The following GRM8 variants were observed in gnomAD, a reference collection of about 807,000 sequenced individuals.
GRM8 encodes metabotropic glutamate receptor 8.
GRM8 carries 47 observed loss-of-function variants against 87.2 expected under a neutral mutation model. The ratio of observed to expected loss-of-function variants is 0.54; its 90% CI spans 0.43 to 0.69. The LOEUF is 0.69. Ranked by LOEUF, GRM8 falls within the 30% of genes least tolerant of loss-of-function variation. GRM8 has a pLI of 0.00. For missense variants in GRM8, 1,019 were observed against 1,139.2 expected, an observed-to-expected ratio of 0.89 and a Z score of 1.52; for synonymous variants, 396 against 404.5, an observed-to-expected ratio of 0.98 and a Z score of 0.25.
In GRM8 at chr7:127,252,200, C is replaced by G. The variant is rs893655914; in HGVS notation, c.-312+597G>C. On this transcript the variant is annotated intron_variant, in intron 1 of 10. Transcript: ENST00000339582. The surrounding 1 kb of genome is among the most constrained non-coding windows in gnomAD (Gnocchi z 4.9). ...GGGAGGTCACCCAGGGCAGACGATC[C>G]GAGGCAGAGCGCTTTAAAATCCTGC... 1.6e-4 allele frequency: 25 copies of G among 152,234 alleles called. No individual in the cohort carries two copies. The highest frequency in any genetic ancestry group is 5.8e-4 in the African/African-American group (24 of 41,432). The allele number at this position is 152,234 out of a possible 1,614,324, so 9.4% of individuals were successfully genotyped here. A position where few individuals can be genotyped will look rare whatever the true frequency, so the allele number is the denominator to read the frequency against.
At chr7:126,827,880 C>G (rs1212324302) in intron 6 of GRM8, among the ~76,000 whole-genome samples, 1 of 152,176 alleles carries the variant, frequency 6.6e-6, no homozygotes, top group Non-Finnish European at 1.5e-5. Context: ...TTTTGAGATA[C>G]ATCCCATCAA....
intron 6 of GRM8, among the ~76,000 whole-genome samples, chr7:126,802,787 A>G (rs1304616021): frequency 1.3e-5 from 2 of 152,216 alleles, no homozygotes; most frequent in Non-Finnish European, 2.9e-5. Flanking sequence ...AAACCACAAA[A>G]TTAAAGTTTT....
intron 7 of GRM8, among the ~76,000 whole-genome samples, chr7:126,700,741 TTCAG>T (rs1309576746): frequency 1.3e-5 from 2 of 152,082 alleles, no homozygotes; most frequent in Non-Finnish European, 2.9e-5. Context: ...TTAAGTTACA[TTCAG>T]TCAAACAAGC....
At chr7:127,015,000 GAAA>G (rs1469531768) in intron 3 of GRM8, among the ~76,000 whole-genome samples, 29 of 81,838 alleles carry the variant, frequency 3.5e-4, no homozygotes, top group African/African-American at 1.4e-3. Context: ...AGAAGAAGAA[GAAA>G]GAAGAAGAAG....
chr7:127,044,810 G>A (rs1228555312), intron 3 of GRM8, among the ~76,000 whole-genome samples: 2 of 152,168 alleles, frequency 1.3e-5, no homozygotes, highest in African/African-American at 4.8e-5. Flanking sequence ...AACATGCTAA[G>A]TGCTTTAAGT....
At chr7:127,079,433 A>G (rs1822624035) in intron 3 of GRM8, among the ~76,000 whole-genome samples, 1 of 152,178 alleles carries the variant, frequency 6.6e-6, no homozygotes. Context: ...TGTATTTTTT[A>G]AAGTTAATGA....
At chr7:127,041,543 G>A (rs569727300) in intron 3 of GRM8, among the ~76,000 whole-genome samples, 7 of 152,340 alleles carry the variant, frequency 4.6e-5, no homozygotes, top group Middle Eastern at 6.8e-3. Flanking sequence ...TTAAGAGGAA[G>A]ACAAATGTAC....
At position 127,070,523 on chromosome 7, in the gene GRM8, T is replaced by C. The variant is rs538717310; in HGVS notation, c.727+35973A>G. Among the ~76,000 whole-genome samples the C allele has an allele frequency of 3.3e-5, 5 of 152,016 alleles. No homozygotes were observed. The South Asian group carries it at 1.0e-3, about 31-fold the overall frequency. On this transcript the variant is annotated intron_variant, in intron 3 of 10. Coordinates refer to ENST00000339582, the MANE Select transcript of GRM8 (RefSeq NM_000845.3). ...TAGAAGTCAATACAGCCAATAACTC[T>C]TCCTAAACCTTGTCCAAGCAAAGAC... is the stretch of plus-strand genomic sequence containing the variant.
intron 2 of GRM8, among the ~76,000 whole-genome samples, chr7:127,237,980 T>G (rs904920458): frequency 7.2e-5 from 11 of 152,202 alleles, no homozygotes; most frequent in African/African-American, 2.4e-4. Flanking sequence ...GAGAAAAAAT[T>G]TGAGCTCTTT....
chr7:127,087,273 GT>G (rs1475149753), intron 3 of GRM8, among the ~76,000 whole-genome samples: 4 of 152,182 alleles, frequency 2.6e-5, no homozygotes, highest in Non-Finnish European at 2.9e-5. Flanking sequence ...CTGAATTTCA[GT>G]TTTATTACAC....
chr7:126,471,049 C>A (rs1805140255), intron 9 of GRM8, among the ~76,000 whole-genome samples: 1 of 152,080 alleles, frequency 6.6e-6, no homozygotes, highest in South Asian at 2.1e-4. Flanking sequence ...TTTGTTTTTT[C>A]TTGTAAATTT....
chr7:126,759,930 T>G (rs931523331), intron 7 of GRM8, among the ~76,000 whole-genome samples: 1 of 152,214 alleles, frequency 6.6e-6, no homozygotes, highest in African/African-American at 2.4e-5. Flanking sequence ...TGGCCACTAT[T>G]ACAAGGTGTT....
At chr7:126,885,248 T>A (rs1800379792) in intron 6 of GRM8, among the ~76,000 whole-genome samples, 1 of 152,160 alleles carries the variant, frequency 6.6e-6, no homozygotes, top group Admixed American at 6.5e-5. Flanking sequence ...GGGATCTGGG[T>A]AGGATCCATT....
intron 3 of GRM8, among the ~76,000 whole-genome samples, chr7:126,960,976 T>C (rs1464202791): frequency 1.3e-5 from 2 of 152,134 alleles, no homozygotes; most frequent in African/African-American, 2.4e-5. Context: ...TATAAACAAA[T>C]GTGATGCCCA....
chr7:127,227,250 G>T (rs867990663), intron 2 of GRM8, among the ~76,000 whole-genome samples: 5 of 152,162 alleles, frequency 3.3e-5, no homozygotes, highest in African/African-American at 1.2e-4. Context: ...CAAAAAAGTG[G>T]CTGAAAGAAC....
intron 7 of GRM8, among the ~76,000 whole-genome samples, chr7:126,654,159 C>A (rs758045095): frequency 1.3e-5 from 2 of 152,156 alleles, no homozygotes; most frequent in Non-Finnish European, 2.9e-5. Context: ...CTACATCTGG[C>A]CCTGAATTAG....
At chr7:127,227,861 A>C (rs914285983) in intron 2 of GRM8, among the ~76,000 whole-genome samples, 15 of 152,038 alleles carry the variant, frequency 9.9e-5, no homozygotes, top group Non-Finnish European at 1.9e-4. Context: ...AGGCAGTCAG[A>C]CTCCATCCTT....
intron 7 of GRM8, among the ~76,000 whole-genome samples, chr7:126,735,989 A>T (rs1421268430): frequency 6.6e-6 from 1 of 152,092 alleles, no homozygotes; most frequent in Non-Finnish European, 1.5e-5. Flanking sequence ...ATATTTTTAT[A>T]CAATACCTTA....
At chr7:127,015,938 T>C (rs924029639) in intron 3 of GRM8, among the ~76,000 whole-genome samples, 1 of 152,108 alleles carries the variant, frequency 6.6e-6, no homozygotes, top group African/African-American at 2.4e-5. Flanking sequence ...TTTAAGACAT[T>C]TGAGAGAATG....
Sources: allele counts gnomAD v4.1 joint callset (sites outside exome capture counted in the v4.1 genomes callset), GRCh38; gene constraint gnomAD v4.1.1; non-coding constraint Gnocchi (gnomAD v3.1); transcripts MANE v1.5; gene names NCBI Gene and HGNC (gene_info 2026-07-23, HGNC 2026-07-21).